Variants in KLC2 observed in about 807,000 individuals in gnomAD.
KLC2 encodes KLC 2.
KLC2 carries 35 observed loss-of-function variants against 75.1 expected under a neutral mutation model. The ratio of observed to expected loss-of-function variants is 0.47; its 90% CI spans 0.36 to 0.62. The LOEUF (loss-of-function observed/expected upper bound fraction) is 0.62. Among genes scored for constraint, KLC2 ranks in the 20% least tolerant of loss-of-function variants. The pLI is 0.00. For missense variants in KLC2, 611 were observed against 833.2 expected (o/e 0.73, Z 3.28); for synonymous variants, 314 against 336.7 (o/e 0.93, Z 0.74).
Position 66,266,710 on chromosome 11 carries a change from C to T in KLC2, c.1786-163C>T, listed in dbSNP as rs976923647. The T allele has an allele frequency of 4.0e-5, 34 of 846,404 alleles. 1 individual carries two copies. The highest frequency in any genetic ancestry group is 1.4e-4 in the Admixed American group (7 of 50,690). The allele number at this position is 846,404 out of a possible 1,614,324, so 52.4% of individuals were successfully genotyped here. A position where few individuals can be genotyped will look rare whatever the true frequency, so the allele number is the denominator to read the frequency against. ...CTAACACCGTCACTGTGGAGATGGA[C>T]GGGAGTGTCAGGGCACCAGGGTGTG... On this transcript the variant is annotated intron_variant, in intron 15 of 15. Coordinates refer to ENST00000394067, the MANE Select transcript of KLC2 (RefSeq NM_001318734.2).
chr11:66,248,466 A>C, the KLC2 span, among the ~76,000 whole-genome samples: 1 of 152,090 alleles, frequency 6.6e-6, no homozygotes, highest in East Asian at 1.9e-4. Flanking sequence ...CTAAAAATAC[A>C]AAAATTAGCC....
At chr11:66,255,038 G>C (rs1472995302), upstream of KLC2, among the ~76,000 whole-genome samples, 1 of 152,160 alleles carries the variant, frequency 6.6e-6, no homozygotes, top group Non-Finnish European at 1.5e-5. Context: ...TTGAAACCCA[G>C]TGTCATGAAG....
intron 9 of KLC2, 72 bp from the exon 10 acceptor site, chr11:66,264,951 C>T: frequency 1.3e-6 from 2 of 1,501,958 alleles, no homozygotes; most frequent in South Asian, 1.2e-5. Flanking sequence ...TCCCCTGACC[C>T]CAGTCCTGTG....
rs12576136 is a variant in KLC2, at chr11:66,267,725, C to A, written c.*769C>A. ...CCCACCGAGCCATCCTGCCTCGCCT[C>A]CCCCCACGCCTGCAGCTTCTCGCGA... On this transcript the variant is annotated 3_prime_UTR_variant, in exon 16 of 16. Coordinates refer to ENST00000394067, the MANE Select transcript of KLC2 (RefSeq NM_001318734.2). 5,368 of 487,436 alleles carry A rather than the reference C, an allele frequency of 0.011. 375 individuals are homozygous for A. The East Asian group carries it at 0.15, about 14-fold the overall frequency. 30.2% of individuals were successfully genotyped at this position (487,436 alleles called of 1,614,324 possible).
At chr11:66,246,429 C>T in the KLC2 span, among the ~76,000 whole-genome samples, 10 of 152,148 alleles carry the variant, frequency 6.6e-5, no homozygotes, top group Non-Finnish European at 1.2e-4. Flanking sequence ...ACACCATATC[C>T]TCAGCCTCCC....
intron 2 of KLC2, among the ~76,000 whole-genome samples, chr11:66,259,315 G>C (rs767581848): frequency 6.6e-6 from 1 of 152,222 alleles, no homozygotes; most frequent in Non-Finnish European, 1.5e-5. Flanking sequence ...TTTTATGATA[G>C]CTCGCAGCAG....
Position 66,265,204 on chromosome 11 carries a change from G to A in KLC2, c.1303G>A (p.Gly435Ser), listed in dbSNP as rs375397994. ...RRDSAPYGEY[G>S]SWYKACKVDS... ...GGACAGCGCCCCCTATGGGGAATAC[G>A]GCAGCTGGTACAAGGCCTGTAAAGT... The change falls in exon 11 of 16, where the codon GGC becomes AGC. Residue 435 changes from glycine to serine, a missense_variant. Coordinates refer to ENST00000394067, the MANE Select transcript of KLC2 (RefSeq NM_001318734.2). The A allele has an allele frequency of 1.5e-5, 24 of 1,613,412 alleles. No homozygotes were observed. The highest frequency in any genetic ancestry group is 1.3e-4 in the Admixed American group (8 of 59,996).
intron 1 of KLC2, chr11:66,258,350 C>T (rs1856155892): frequency 1.8e-6 from 1 of 551,924 alleles, no homozygotes; most frequent in South Asian, 2.1e-5. Context: ...CGGCCTGAGC[C>T]GGTGGTCTGG....
chr11:66,262,151 C>T lies in KLC2; in HGVS notation c.488C>T (p.Thr163Ile). Residue 163 changes from threonine to isoleucine, a missense_variant, in exon 4 of 16, where the codon ACA becomes ATA. Physicochemically the swap from Thr to Ile is moderately conservative, Grantham distance 89. Coordinates refer to ENST00000394067, the MANE Select transcript of KLC2 (RefSeq NM_001318734.2). ...GAGAAGGGGGACGTCCCCAAAGACA[C>T]ACTGGATGACCTGTTCCCCAATGAG... ...NEEKGDVPKD[T>I]LDDLFPNEDE... 2 of 1,613,472 alleles carry T rather than the reference C, an allele frequency of 1.2e-6. No individual in the cohort carries two copies. Among genetic ancestry groups the T allele is most frequent in the Non-Finnish European group, 1.7e-6 (2 of 1,179,984 alleles).
chr11:66,266,612 CT>C, intron 15 of KLC2, 122 bp downstream of exon 15: 1 of 1,139,276 alleles, frequency 8.8e-7, no homozygotes, highest in Non-Finnish European at 1.3e-6. Context: ...CTCAGGCCTA[CT>C]TTGGGCTGGA....
At chr11:66,264,737 G>A (rs1856694471) in intron 9 of KLC2, 1 of 583,706 alleles carries the variant, frequency 1.7e-6, no homozygotes, top group Non-Finnish European at 3.1e-6. Context: ...CCCACTCTGG[G>A]AAACCACCTC....
chr11:66,247,241 T>A, the KLC2 span, among the ~76,000 whole-genome samples: 3 of 152,228 alleles, frequency 2.0e-5, no homozygotes, highest in Admixed American at 6.5e-5. Context: ...AATAGGCTCC[T>A]AATTATCCCT....
At chr11:66,260,310 G>C (rs921548300) in intron 2 of KLC2, among the ~76,000 whole-genome samples, 1 of 152,186 alleles carries the variant, frequency 6.6e-6, no homozygotes, top group Admixed American at 6.5e-5. Flanking sequence ...CAGAGGTAGA[G>C]AGGACCACTC....
intron 2 of KLC2, 98 bp downstream of exon 2, chr11:66,258,920 G>T: frequency 1.2e-6 from 1 of 836,316 alleles, no homozygotes; most frequent in Non-Finnish European, 1.9e-6. Context: ...GCAGGGAACC[G>T]TCTGTTTCCT....
At chr11:66,252,764 T>A (rs1262636130), upstream of KLC2, among the ~76,000 whole-genome samples, 4 of 152,088 alleles carry the variant, frequency 2.6e-5, no homozygotes, top group East Asian at 7.7e-4. Context: ...GCAGGACCGG[T>A]CTACCCTGGC....
chr11:66,261,961 G>A lies in KLC2; in HGVS notation c.448G>A (p.Ala150Thr), dbSNP rs781669694. Residue 150 changes from alanine to threonine, a missense_variant, in exon 3 of 16, where the codon GCC becomes ACC. By Grantham distance (58) the Ala-to-Thr change is moderately conservative. Transcript: ENST00000394067. ...MSQIRKLDED[A>T]SPNEEKGDVP... The stretch of plus-strand genomic sequence containing the variant: ...CCAGATCCGCAAGTTGGATGAAGAC[G>A]CCTCCCCTAACGTGAGCTCCTACCA... The A allele has an allele frequency of 1.7e-5, 28 of 1,613,690 alleles. No homozygotes were observed. Among genetic ancestry groups the A allele is most frequent in the Admixed American group, 1.2e-4 (7 of 60,000 alleles).
chr11:66,250,164 C>T, the KLC2 span, among the ~76,000 whole-genome samples: 72 of 152,250 alleles, frequency 4.7e-4, no homozygotes, highest in African/African-American at 1.5e-3. Flanking sequence ...CCCCAACCAC[C>T]CCACCCAAAG....
chr11:66,245,807 G>C, the KLC2 span, among the ~76,000 whole-genome samples: 1 of 152,046 alleles, frequency 6.6e-6, no homozygotes, highest in Non-Finnish European at 1.5e-5. Flanking sequence ...ACTTGAACCC[G>C]GGAGGCGGAG....
chr11:66,265,437 C>G, intron 11 of KLC2: 1 of 674,006 alleles, frequency 1.5e-6, no homozygotes, highest in Non-Finnish European at 2.5e-6. Flanking sequence ...GTCCTGGTGA[C>G]AACATCCCAT....
Sources: allele counts gnomAD v4.1 joint callset (sites outside exome capture counted in the v4.1 genomes callset), GRCh38; gene constraint gnomAD v4.1.1; transcripts MANE v1.5; gene names NCBI Gene and HGNC (gene_info 2026-07-23, HGNC 2026-07-21).